Variants in MAMDC2 observed in about 807,000 individuals in gnomAD.
MAMDC2 encodes MAM domain containing 2.
MAMDC2 carries 57 observed loss-of-function variants against 89.8 expected under a neutral mutation model. The observed-to-expected ratio is 0.63, with a 90% CI of 0.51 to 0.79. The LOEUF (loss-of-function observed/expected upper bound fraction) is 0.79, where lower values mean the gene tolerates loss of function less well. MAMDC2 is among the 30% of genes least tolerant of loss of function. The probability of loss-of-function intolerance (pLI) is 0.00; values close to 1 mark genes in which losing one functional copy is unlikely to be tolerated. For synonymous variants in MAMDC2, 313 were observed against 293.4 expected (o/e 1.07, Z -0.68); for missense variants, 800 against 820.6 (o/e 0.97, Z 0.31).
intron 11 of MAMDC2, chr9:70,217,410 C>G: frequency 7.6e-7 from 1 of 1,319,964 alleles, no homozygotes; most frequent in Non-Finnish European, 1.1e-6. Context: ...AGAAAAGAAC[C>G]CACCCAGCAG....
intron 11 of MAMDC2, among the ~76,000 whole-genome samples, chr9:70,198,035 A>T (rs2871296): frequency 0.79 from 119,674 of 151,826 alleles, 47,303 homozygotes; most frequent in Admixed American, 0.83. Context: ...ATAACTCTTA[A>T]TACAATATAT....
intron 9 of MAMDC2, chr9:70,168,484 T>C: frequency 2.2e-6 from 1 of 457,012 alleles, no homozygotes; most frequent in South Asian, 2.4e-5. Flanking sequence ...AGAGCGAGAC[T>C]CCATCTCAAA....
At chr9:70,221,315 T>C (rs2033550234) in intron 12 of MAMDC2, among the ~76,000 whole-genome samples, 2 of 134,392 alleles carry the variant, frequency 1.5e-5, no homozygotes, top group Non-Finnish European at 3.1e-5. Context: ...TGGCAACATA[T>C]TGAGACCCTG....
chr9:70,055,275 A>G (rs904321072), intron 2 of MAMDC2, among the ~76,000 whole-genome samples: 1 of 152,214 alleles, frequency 6.6e-6, no homozygotes, highest in Non-Finnish European at 1.5e-5. Context: ...AAGCACATTT[A>G]CTTTCATCAT....
chr9:70,156,077 T>TTATA (rs2031755357), intron 9 of MAMDC2, among the ~76,000 whole-genome samples: 2 of 152,202 alleles, frequency 1.3e-5, no homozygotes, highest in African/African-American at 4.8e-5. Context: ...CTACCTCCTG[T>TTATA]TATATTTTTG....
At chr9:70,085,556 G>T (rs973683156) in intron 2 of MAMDC2, among the ~76,000 whole-genome samples, 3 of 151,968 alleles carry the variant, frequency 2.0e-5, no homozygotes, top group African/African-American at 7.3e-5. Flanking sequence ...TAATCCTGAC[G>T]CCATCTGTGT....
intron 9 of MAMDC2, among the ~76,000 whole-genome samples, chr9:70,147,316 C>G (rs867431498): frequency 2.0e-5 from 3 of 150,190 alleles, no homozygotes; most frequent in Middle Eastern, 3.4e-3. Flanking sequence ...TCTTGTTTTT[C>G]TGATGGTTTT....
rs544501554 is a variant in MAMDC2, at chr9:70,117,509, T to C, written c.643+4377T>C. Among the ~76,000 whole-genome samples the C allele has an allele frequency of 9.9e-5, 15 of 152,282 alleles. No homozygotes were observed. In the South Asian group the frequency reaches 2.5e-3, roughly 25 times the overall value. On this transcript the variant is annotated intron_variant, in intron 5 of 13. Coordinates refer to ENST00000377182, the MANE Select transcript of MAMDC2 (RefSeq NM_153267.5). ...CATTAGAAGAAATACCTAATGTAGA[T>C]GATGGGTTGATGGGTGCAGCAAACC...
chr9:70,168,922 G>A, intron 10 of MAMDC2, 127 bp downstream of exon 10: 1 of 738,336 alleles, frequency 1.4e-6, no homozygotes, highest in Non-Finnish European at 2.3e-6. Flanking sequence ...AGTGTCTCCT[G>A]CAGAGCTGTG....
intron 9 of MAMDC2, 26 bp from the exon 10 acceptor site, chr9:70,168,676 C>T: frequency 6.3e-7 from 1 of 1,592,798 alleles, no homozygotes; most frequent in Non-Finnish European, 8.6e-7. Context: ...TAACAGAATT[C>T]ATAGCTTTAT....
At chr9:70,116,042 G>A (rs956008179) in intron 5 of MAMDC2, among the ~76,000 whole-genome samples, 2 of 152,160 alleles carry the variant, frequency 1.3e-5, no homozygotes, top group Non-Finnish European at 1.5e-5. Flanking sequence ...TCAAAATGAC[G>A]ATTATTTCTT....
intron 1 of MAMDC2, 137 bp downstream of exon 1, chr9:70,044,368 C>T: frequency 1.9e-6 from 2 of 1,038,506 alleles, no homozygotes; most frequent in Non-Finnish European, 2.7e-6. Flanking sequence ...GCCGCTAACT[C>T]CCTCCCCTGG....
intron 2 of MAMDC2, among the ~76,000 whole-genome samples, chr9:70,104,538 A>G (rs1273911685): frequency 6.6e-6 from 1 of 152,216 alleles, no homozygotes; most frequent in African/African-American, 2.4e-5. Context: ...AGGAGAGGCA[A>G]TCCAAATGTC....
intron 11 of MAMDC2, among the ~76,000 whole-genome samples, chr9:70,192,267 G>A (rs1399285364): frequency 3.3e-5 from 5 of 152,046 alleles, no homozygotes; most frequent in Admixed American, 2.6e-4. Flanking sequence ...GCAGAGTACA[G>A]CTCTGCTACA....
chr9:70,184,543 C>T (rs2032709345), intron 11 of MAMDC2, among the ~76,000 whole-genome samples: 1 of 152,088 alleles, frequency 6.6e-6, no homozygotes, highest in Non-Finnish European at 1.5e-5. Context: ...TTGGTCTTTT[C>T]ACATAGTCCC....
intron 2 of MAMDC2, chr9:70,086,364 C>T (rs1482954207): frequency 1.3e-5 from 2 of 152,104 alleles, no homozygotes; most frequent in African/African-American, 4.8e-5. Context: ...TGTGGATATA[C>T]ATCAGGTGTT....
intron 2 of MAMDC2, among the ~76,000 whole-genome samples, chr9:70,051,888 G>GATAGAGATAGAT (rs1554665151): frequency 0.016 from 2,350 of 148,888 alleles, 22 homozygotes; most frequent in Non-Finnish European, 0.02. Context: ...TAGATAGATA[G>GATAGAGATAGAT]AGATAGATAG....
chr9:70,160,604 G>A (rs1312148116), intron 9 of MAMDC2, among the ~76,000 whole-genome samples: 1 of 152,184 alleles, frequency 6.6e-6, no homozygotes, highest in Non-Finnish European at 1.5e-5. Context: ...TAAGGGTGTA[G>A]ATGTGGATGT....
chr9:70,064,031 T>C (rs910417764), intron 2 of MAMDC2, among the ~76,000 whole-genome samples: 1 of 152,090 alleles, frequency 6.6e-6, no homozygotes, highest in Non-Finnish European at 1.5e-5. Context: ...TCTTTATTTT[T>C]TTAAAAAAAG....
Sources: allele counts gnomAD v4.1 joint callset (sites outside exome capture counted in the v4.1 genomes callset), GRCh38; gene constraint gnomAD v4.1.1; transcripts MANE v1.5; gene names NCBI Gene and HGNC (gene_info 2026-07-23, HGNC 2026-07-21).